Variants in NCKAP1L observed in about 807,000 individuals in gnomAD.
The protein encoded by NCKAP1L is NCK associated protein 1 like, also known as nck-associated protein 1-like.
NCKAP1L carries 53 observed loss-of-function variants against 139.2 expected under a neutral mutation model. The observed-to-expected ratio is 0.38, with a 90% CI of 0.31 to 0.48. The LOEUF is 0.48. Ranked by LOEUF, NCKAP1L falls within the 20% of genes least tolerant of loss-of-function variation. The probability of loss-of-function intolerance (pLI) is 0.98; values close to 1 mark genes in which losing one functional copy is unlikely to be tolerated. For missense variants in NCKAP1L, 1,151 were observed against 1,381.9 expected (o/e 0.83, Z 2.65); for synonymous variants, 468 against 499.7 (o/e 0.94, Z 0.85).
chr12:54,514,132 A>C (rs191545017), intron 9 of NCKAP1L, among the ~76,000 whole-genome samples: 50 of 152,318 alleles, frequency 3.3e-4, no homozygotes, highest in African/African-American at 1.2e-3. Context: ...ATCTTTGAAT[A>C]TCAGTCTATA....
chr12:54,524,194 A>T (rs1957009005), intron 20 of NCKAP1L, among the ~76,000 whole-genome samples: 1 of 152,156 alleles, frequency 6.6e-6, no homozygotes, highest in Non-Finnish European at 1.5e-5. Context: ...CCTAAATTGA[A>T]ACCACTGGTT....
At chr12:54,509,500 T>C (rs1956869557) in intron 5 of NCKAP1L, among the ~76,000 whole-genome samples, 169 bp from the exon 6 acceptor site, 1 of 152,258 alleles carries the variant, frequency 6.6e-6, no homozygotes, top group Non-Finnish European at 1.5e-5. Flanking sequence ...CTTAGTAACC[T>C]GATCCTGGAG....
intron 3 of NCKAP1L, among the ~76,000 whole-genome samples, chr12:54,502,829 A>C (rs1956810599): frequency 1.3e-5 from 2 of 149,052 alleles, no homozygotes; most frequent in Non-Finnish European, 3.0e-5. Flanking sequence ...TACACAAAAA[A>C]AAAAAAAAAA....
intron 10 of NCKAP1L, 131 bp downstream of exon 10, chr12:54,516,426 A>G (rs1398805233): frequency 1.1e-5 from 9 of 783,772 alleles, no homozygotes; most frequent in Middle Eastern, 4.7e-4. Flanking sequence ...CTGCTACCCC[A>G]TAAATTCTTT....
intron 11 of NCKAP1L, 152 bp downstream of exon 11, chr12:54,517,144 A>G (rs1956939835): frequency 1.5e-6 from 1 of 656,222 alleles, no homozygotes; most frequent in Non-Finnish European, 2.6e-6. Context: ...GAGTATCCCA[A>G]AACCTTTTGT....
At position 54,511,952 on chromosome 12, in the gene NCKAP1L, G is replaced by T. The variant is rs879069740; in HGVS notation, c.788G>T (p.Gly263Val). 1 of 1,614,154 alleles carries T rather than the reference G, an allele frequency of 6.2e-7. No individual in the cohort carries two copies. Among genetic ancestry groups the T allele is most frequent in the Non-Finnish European group, 8.5e-7 (1 of 1,180,026 alleles). ...TGCACTGTTTTCCCACCTACAGTTG[G>T]GTTTCTTCTTTGTCATGGGTGCCTC... ...VEVMERWIII[G>V]FLLCHGCLNS... Residue 263 changes from glycine (G) to valine (V), a missense_variant, in exon 9 of 31, where the codon GGG becomes GTG. Coordinates refer to ENST00000293373, the MANE Select transcript of NCKAP1L (RefSeq NM_005337.5).
At position 54,512,123 on chromosome 12, in the gene NCKAP1L, C is replaced by A; in HGVS notation, c.941+18C>A. 1 of 1,612,408 alleles carries A rather than the reference C, an allele frequency of 6.2e-7. No homozygotes were observed. Among genetic ancestry groups the A allele is most frequent in the East Asian group, 2.2e-5 (1 of 44,878 alleles). ...TTGAAAGGGTGAGAGACACGAGAGC[C>A]AAACTGATCTTCCTTGAATAGTTTT... On this transcript the variant is annotated intron_variant, in intron 9 of 30. Coordinates refer to ENST00000293373, the MANE Select transcript of NCKAP1L (RefSeq NM_005337.5).
intron 9 of NCKAP1L, among the ~76,000 whole-genome samples, chr12:54,515,196 T>C (rs1348308648): frequency 6.6e-6 from 1 of 152,220 alleles, no homozygotes; most frequent in Non-Finnish European, 1.5e-5. Flanking sequence ...ATCCAATAGA[T>C]TGCTGTGAAG....
chr12:54,534,447 T>C (rs1174356404), intron 26 of NCKAP1L, among the ~76,000 whole-genome samples: 1 of 152,164 alleles, frequency 6.6e-6, no homozygotes, highest in Non-Finnish European at 1.5e-5. Flanking sequence ...TTGCATTCCA[T>C]CTAAAAAGAT....
At position 54,531,472 on chromosome 12, in the gene NCKAP1L, C is replaced by T. The variant is rs1263554087; in HGVS notation, c.2605-19C>T. On this transcript the variant is annotated intron_variant, in intron 23 of 30. Coordinates refer to ENST00000293373, the MANE Select transcript of NCKAP1L (RefSeq NM_005337.5). ...TCTCTTCTTTTCCTGCTTAATGTCT[C>T]TGTGTTCCTGGACTACAGAAGCTGG... 19 of 1,613,520 alleles carry T rather than the reference C, an allele frequency of 1.2e-5. No homozygotes were observed. Among genetic ancestry groups the T allele is most frequent in the Non-Finnish European group, 1.6e-5 (19 of 1,179,428 alleles).
At chr12:54,519,013 C>T (rs907751637) in intron 15 of NCKAP1L, 41 bp downstream of exon 15, 3 of 1,584,840 alleles carry the variant, frequency 1.9e-6, no homozygotes, top group South Asian at 2.2e-5. Flanking sequence ...TCCTCAGATT[C>T]TTCCTCCCCC....
Position 54,531,244 on chromosome 12 carries a change from T to C in NCKAP1L, c.2507-16T>C. Reference sequence around the variant, plus strand: ...CCTTCTGAGTCCCATCTGGGGCCTCTGTAACTCTGTTCCAGAGATGCGGGC... The same window carrying C: ...CCTTCTGAGTCCCATCTGGGGCCTCCGTAACTCTGTTCCAGAGATGCGGGC... On this transcript the variant is annotated splice_polypyrimidine_tract_variant and intron_variant, in intron 22 of 30. Transcript: ENST00000293373. 1.9e-6 allele frequency: 3 copies of C among 1,610,646 alleles called. 1 individual carries two copies. The South Asian group carries it at 3.3e-5, about 18-fold the overall frequency.
chr12:54,525,209 G>T (rs1039227299), intron 20 of NCKAP1L, among the ~76,000 whole-genome samples: 3 of 152,166 alleles, frequency 2.0e-5, no homozygotes, highest in Non-Finnish European at 4.4e-5. Flanking sequence ...GGCAGGTTTT[G>T]TGCAAAGCTG....
At chr12:54,521,743 C>T (rs1271050787) in intron 18 of NCKAP1L, among the ~76,000 whole-genome samples, 1 of 152,100 alleles carries the variant, frequency 6.6e-6, no homozygotes, top group East Asian at 1.9e-4. Flanking sequence ...ACTCTTAGCA[C>T]CTCGTCATAA....
At chr12:54,540,570 T>G (rs1379440186) in intron 30 of NCKAP1L, among the ~76,000 whole-genome samples, 1 of 152,222 alleles carries the variant, frequency 6.6e-6, no homozygotes, top group Admixed American at 6.5e-5. Flanking sequence ...ATCCTTATGA[T>G]AGAGTGGTTA....
chr12:54,531,699 T>G (rs190687179), intron 24 of NCKAP1L, 44 bp from the exon 25 acceptor site: 3 of 1,604,408 alleles, frequency 1.9e-6, no homozygotes, highest in Middle Eastern at 1.7e-4. Flanking sequence ...TCATCACCAA[T>G]CCCTCTCTAA....
chr12:54,535,055 C>A, intron 26 of NCKAP1L, 49 bp from the exon 27 acceptor site: 1 of 1,485,210 alleles, frequency 6.7e-7, no homozygotes. Flanking sequence ...TTCTGTCAAG[C>A]CATTGTGTCC....
intron 2 of NCKAP1L, among the ~76,000 whole-genome samples, chr12:54,499,949 C>A (rs751606656): frequency 1.3e-5 from 2 of 152,082 alleles, no homozygotes; most frequent in Non-Finnish European, 2.9e-5. Flanking sequence ...TATATCTGTT[C>A]ATCTGAAAGG....
chr12:54,512,307 G>A lies in NCKAP1L; in HGVS notation c.941+202G>A, dbSNP rs1029292784. On this transcript the variant is annotated intron_variant, in intron 9 of 30. Transcript: ENST00000293373. ...ACAATAATGAATAAGACAACATGGAGGTTAAGAGCACAGACTCTGAAACTA... is the reference window on the plus strand; with the variant it reads ...ACAATAATGAATAAGACAACATGGAAGTTAAGAGCACAGACTCTGAAACTA... The A allele has an allele frequency of 1.3e-5, 6 of 462,380 alleles. No homozygotes were observed. In the East Asian group the frequency reaches 2.0e-4, roughly 15 times the overall value. 28.6% of individuals were successfully genotyped at this position (462,380 alleles called of 1,614,324 possible).
Sources: gnomAD v4.1 joint callset for allele counts (sites outside exome capture counted in the v4.1 genomes callset) on GRCh38, gnomAD v4.1.1 for gene constraint, MANE v1.5 for transcripts, NCBI Gene and HGNC (gene_info 2026-07-23, HGNC 2026-07-21) for gene names.